The following FAM174A variants were observed in gnomAD, a reference collection of about 807,000 sequenced individuals.
FAM174A encodes the protein membrane protein FAM174A.
Under a neutral mutation model 14.3 loss-of-function variants are expected in FAM174A, and 14 were observed. The ratio of observed to expected loss-of-function variants is 0.98; its 90% CI spans 0.65 to 1.53. The LOEUF (loss-of-function observed/expected upper bound fraction) is 1.53, where lower values mean the gene tolerates loss of function less well. Among genes scored for constraint, FAM174A ranks in the 40% most tolerant of loss-of-function variants. The pLI, the probability that FAM174A is intolerant of heterozygous loss-of-function variation, is 0.00. For synonymous variants in FAM174A, 108 were observed against 111.4 expected (o/e 0.97, Z 0.19); for missense variants, 241 against 249.6 (o/e 0.97, Z 0.23).
chr5:100,563,169 A>C (rs867114831), intron 2 of FAM174A, among the ~76,000 whole-genome samples: 1 of 151,900 alleles, frequency 6.6e-6, no homozygotes. Flanking sequence ...CATTTAATAC[A>C]AATATGTTCA....
chr5:100,544,433 G>A (rs1561312536), intron 1 of FAM174A, among the ~76,000 whole-genome samples: 3 of 151,462 alleles, frequency 2.0e-5, no homozygotes, highest in Admixed American at 6.6e-5. Flanking sequence ...GAGAGAGAGA[G>A]ATCGAGAGAC....
intron 2 of FAM174A, among the ~76,000 whole-genome samples, chr5:100,566,021 A>G (rs899091412): frequency 2.0e-5 from 3 of 151,132 alleles, no homozygotes; most frequent in Non-Finnish European, 4.4e-5. Context: ...CTGTGTTTCA[A>G]TTACCTCCCA....
intron 2 of FAM174A, among the ~76,000 whole-genome samples, chr5:100,577,422 A>G (rs1374315111): frequency 6.6e-6 from 1 of 152,054 alleles, no homozygotes; most frequent in Admixed American, 6.6e-5. Flanking sequence ...TAAATATACT[A>G]TTGTGTTATA....
intron 2 of FAM174A, among the ~76,000 whole-genome samples, chr5:100,569,471 T>G (rs1210451082): frequency 6.6e-6 from 1 of 151,834 alleles, no homozygotes; most frequent in Non-Finnish European, 1.5e-5. Flanking sequence ...TCACCTATGG[T>G]TTGACATTTA....
At chr5:100,562,616 TTG>T (rs964745497) in intron 2 of FAM174A, among the ~76,000 whole-genome samples, 35 of 149,874 alleles carry the variant, frequency 2.3e-4, no homozygotes, top group Non-Finnish European at 1.3e-4. Flanking sequence ...GCGTGTGTGT[TTG>T]TGTGTGTGTG....
At chr5:100,578,373 T>C (rs1240886660) in intron 2 of FAM174A, among the ~76,000 whole-genome samples, 1 of 152,184 alleles carries the variant, frequency 6.6e-6, no homozygotes, top group Non-Finnish European at 1.5e-5. Flanking sequence ...ACTGCACTTC[T>C]AAAATCTTTC....
intron 1 of FAM174A, among the ~76,000 whole-genome samples, chr5:100,540,860 T>C (rs1746034845): frequency 1.3e-5 from 2 of 152,206 alleles, no homozygotes; most frequent in Admixed American, 1.3e-4. Context: ...GAGCAATGCT[T>C]GCTCATGTAA....
intron 1 of FAM174A, among the ~76,000 whole-genome samples, chr5:100,556,978 T>C (rs933362087): frequency 9.8e-5 from 15 of 152,300 alleles, no homozygotes; most frequent in African/African-American, 3.6e-4. Context: ...TCCAACACTA[T>C]GTTGAATAGG....
intron 1 of FAM174A, among the ~76,000 whole-genome samples, chr5:100,553,940 A>C (rs989782039): frequency 1.3e-5 from 2 of 152,162 alleles, no homozygotes; most frequent in Admixed American, 6.6e-5. Context: ...CATTCATATC[A>C]TTTTTGTTTG....
intron 1 of FAM174A, among the ~76,000 whole-genome samples, chr5:100,552,004 G>A (rs564529867): frequency 3.9e-5 from 6 of 152,146 alleles, no homozygotes; most frequent in Admixed American, 2.0e-4. Flanking sequence ...TTTGGAAGAC[G>A]CAGTTCAACC....
intron 2 of FAM174A, among the ~76,000 whole-genome samples, chr5:100,569,327 A>T (rs926109923): frequency 4.6e-5 from 7 of 151,826 alleles, no homozygotes; most frequent in South Asian, 2.1e-4. Context: ...CATGCCATTT[A>T]CTATGTCATA....
intron 2 of FAM174A, among the ~76,000 whole-genome samples, chr5:100,569,094 T>C (rs934891284): frequency 6.6e-6 from 1 of 151,932 alleles, no homozygotes. Context: ...ACCTCATCCT[T>C]TGAAGACAAA....
intron 2 of FAM174A, among the ~76,000 whole-genome samples, chr5:100,571,670 GTGTA>G (rs961804015): frequency 2.1e-5 from 2 of 97,000 alleles, no homozygotes; most frequent in African/African-American, 9.8e-5. Flanking sequence ...AAGTGTGTGT[GTGTA>G]TATATATATA....
intron 1 of FAM174A, among the ~76,000 whole-genome samples, chr5:100,560,337 C>T (rs1041691968): frequency 2.0e-5 from 3 of 152,110 alleles, no homozygotes; most frequent in African/African-American, 7.2e-5. Context: ...CCTAAACATA[C>T]TTAATTTCTC....
At chr5:100,539,453 G>A (rs905213784) in intron 1 of FAM174A, among the ~76,000 whole-genome samples, 3 of 152,168 alleles carry the variant, frequency 2.0e-5, no homozygotes, top group Middle Eastern at 3.4e-3. Context: ...AAGACACAAC[G>A]TTAGGTTTTT....
intron 2 of FAM174A, among the ~76,000 whole-genome samples, chr5:100,582,907 C>CT (rs1156816400): frequency 6.6e-6 from 1 of 152,034 alleles, no homozygotes; most frequent in Non-Finnish European, 1.5e-5. Context: ...CTAGGGGCAC[C>CT]AACTACACAG....
chr5:100,566,141 G>GATAGATAGATATATATATAT (rs558236562), intron 2 of FAM174A, among the ~76,000 whole-genome samples: 13 of 81,802 alleles, frequency 1.6e-4, no homozygotes, highest in Non-Finnish European at 2.2e-4. Context: ...TGAAAAGTAT[G>GATAGATAGATATATATATAT]ATATATATAT....
At chr5:100,556,665 G>T (rs1332879251) in intron 1 of FAM174A, among the ~76,000 whole-genome samples, 2 of 152,114 alleles carry the variant, frequency 1.3e-5, no homozygotes, top group Non-Finnish European at 2.9e-5. Context: ...CACGTCCCTT[G>T]TAAGTTAGAT....
intron 1 of FAM174A, among the ~76,000 whole-genome samples, chr5:100,538,856 T>C (rs1745993144): frequency 6.6e-6 from 1 of 151,638 alleles, no homozygotes; most frequent in South Asian, 2.1e-4. Flanking sequence ...CAGTAAAATG[T>C]ATAAGGCCAG....
Sources: gnomAD v4.1 joint callset for allele counts (sites outside exome capture counted in the v4.1 genomes callset) on GRCh38, gnomAD v4.1.1 for gene constraint, MANE v1.5 for transcripts, NCBI Gene and HGNC (gene_info 2026-07-23, HGNC 2026-07-21) for gene names.